The following CENPE variants were observed in gnomAD, a reference collection of about 807,000 sequenced individuals.
CENPE encodes the protein centromere protein E.
CENPE carries 145 observed loss-of-function variants against 336.1 expected under a neutral mutation model. The ratio of observed to expected loss-of-function variants is 0.43; its 90% CI spans 0.38 to 0.50. The LOEUF is 0.50. Among genes scored for constraint, CENPE ranks in the 20% least tolerant of loss-of-function variants. The pLI is 0.00. For synonymous variants in CENPE, 1,013 were observed against 984.8 expected (o/e 1.03, Z -0.54); for missense variants, 2,719 against 3,023.3 (o/e 0.90, Z 2.36).
rs1326652579 is a variant in CENPE at position 103,195,117 on chromosome 4, G to A, written c.474C>T (p.Val158=). 3.8e-6 allele frequency: 6 copies of A among 1,579,396 alleles called. No individual in the cohort carries two copies. In the African/African-American group the frequency reaches 8.3e-5, roughly 22 times the overall value. The stretch of plus-strand genomic sequence containing the variant: ...CTCCCTTAAGTCTGCTACTCACATT[G>A]ACATCTTCTCGAATAATTAAAGGTT... ...KMKPLIIRED[V]NRNVYVADLT... The change falls in exon 5 of 49, where the codon GTC becomes GTT. Residue 158 remains valine, a synonymous_variant. Transcript: ENST00000265148.
At chr4:103,184,843 C>T (rs889746756) in intron 9 of CENPE, among the ~76,000 whole-genome samples, 3 of 152,228 alleles carry the variant, frequency 2.0e-5, no homozygotes, top group African/African-American at 7.2e-5. Flanking sequence ...TTAAAATCAT[C>T]TTACCTAATT....
intron 42 of CENPE, among the ~76,000 whole-genome samples, chr4:103,128,629 T>G (rs1751330504): frequency 6.6e-6 from 1 of 152,158 alleles, no homozygotes; most frequent in Non-Finnish European, 1.5e-5. Flanking sequence ...CTAAATAACA[T>G]ACGGGTCACA....
intron 13 of CENPE, 27 bp downstream of exon 13, chr4:103,180,284 G>A (rs907954353): frequency 2.5e-6 from 4 of 1,598,318 alleles, no homozygotes; most frequent in Non-Finnish European, 3.4e-6. Context: ...TGTACATCAA[G>A]TTTAAGCTGT....
chr4:103,170,421 G>A (rs1755304825), intron 16 of CENPE, among the ~76,000 whole-genome samples: 1 of 152,126 alleles, frequency 6.6e-6, no homozygotes, highest in South Asian at 2.1e-4. Context: ...AGGAGATAAA[G>A]TGTGGAGTTT....
rs1316434222 is a variant in CENPE, at chr4:103,109,103, GAAGAAAAGAGAGACTGT to G, written c.7725-31_7725-15del. 1.3e-6 allele frequency: 2 copies of G among 1,588,858 alleles called. No homozygotes were observed. Among genetic ancestry groups the G allele is most frequent in the Non-Finnish European group, 1.7e-6 (2 of 1,168,944 alleles). On this transcript the variant is annotated splice_polypyrimidine_tract_variant and intron_variant, in intron 47 of 48. Transcript: ENST00000265148. ...TGCTGATTATTGCTTAAATGTGGGG[GAAGAAAAGAGAGACTGT>G]AAGACTTCTTGATTCTTAAGATGTA...
chr4:103,143,653 T>C (rs775871075), intron 33 of CENPE, among the ~76,000 whole-genome samples: 2 of 152,248 alleles, frequency 1.3e-5, no homozygotes, highest in African/African-American at 2.4e-5. Context: ...ATTTGTGGCA[T>C]AGAATTCCAT....
intron 43 of CENPE, among the ~76,000 whole-genome samples, chr4:103,120,869 G>A (rs1750565884): frequency 6.6e-6 from 1 of 151,982 alleles, no homozygotes; most frequent in Admixed American, 6.6e-5. Context: ...CCGAGTAGCT[G>A]GGACTACAGG....
In CENPE at chr4:103,122,141, CTG is replaced by C. The variant is rs556748033; in HGVS notation, c.7143+728_7143+729del. 1.3e-3 allele frequency among the ~76,000 whole-genome samples: 200 copies of C among 152,262 alleles called. 2 individuals carry two copies. Among genetic ancestry groups the C allele is most frequent in the African/African-American group, 4.6e-3 (193 of 41,540 alleles). On this transcript the variant is annotated intron_variant, in intron 43 of 48. Coordinates refer to ENST00000265148, the MANE Select transcript of CENPE (RefSeq NM_001813.3). ...CCTCTATTTTATCTGTAGCAGCTGACTGAGGTCTGTAATGCCCTACAAATCAA... is the reference window on the plus strand; with the variant it reads ...CCTCTATTTTATCTGTAGCAGCTGACAGGTCTGTAATGCCCTACAAATCAA...
chr4:103,110,435 C>G (rs1749295786), intron 47 of CENPE, among the ~76,000 whole-genome samples: 1 of 152,082 alleles, frequency 6.6e-6, no homozygotes, highest in South Asian at 2.1e-4. Context: ...AGATTCTACT[C>G]TTCCACGTGG....
chr4:103,135,541 G>A (rs1438477509), intron 40 of CENPE, among the ~76,000 whole-genome samples: 2 of 151,872 alleles, frequency 1.3e-5, no homozygotes, highest in African/African-American at 2.4e-5. Flanking sequence ...CTTTAATCTC[G>A]TTTGTCCTCT....
chr4:103,166,974 G>A (rs968970664), intron 16 of CENPE, among the ~76,000 whole-genome samples: 9 of 152,062 alleles, frequency 5.9e-5, no homozygotes, highest in Admixed American at 2.0e-4. Context: ...TTCTCTTAAC[G>A]TGTAGCCTAA....
rs1267352245 is a variant in CENPE at position 103,196,739 on chromosome 4, TG to T, written c.148+19del. On this transcript the variant is annotated intron_variant, in intron 2 of 48. Transcript: ENST00000265148. The stretch of plus-strand genomic sequence containing the variant: ...AGCAAAAGGATAACAAGGTAACTTT[TG>T]ATGCTATTATAAGCTTACCAAAATT... The T allele has an allele frequency of 8.8e-7, 1 of 1,140,278 alleles. No individual in the cohort carries two copies. Among genetic ancestry groups the T allele is most frequent in the Non-Finnish European group, 1.3e-6 (1 of 767,936 alleles). The allele number at this position is 1,140,278 out of a possible 1,614,324, so 70.6% of individuals were successfully genotyped here. A position where few individuals can be genotyped will look rare whatever the true frequency, so the allele number is the denominator to read the frequency against.
At chr4:103,123,571 T>C (rs1186524292) in intron 42 of CENPE, among the ~76,000 whole-genome samples, 1 of 152,196 alleles carries the variant, frequency 6.6e-6, no homozygotes, top group Non-Finnish European at 1.5e-5. Context: ...AGATCTATGG[T>C]TAGAATGAAT....
intron 40 of CENPE, among the ~76,000 whole-genome samples, chr4:103,134,356 C>G (rs567895319): frequency 6.6e-6 from 1 of 152,026 alleles, no homozygotes; most frequent in Non-Finnish European, 1.5e-5. Context: ...CCTTGTCGGC[C>G]GGACATGGTG....
chr4:103,111,945 A>G (rs1048283180), intron 46 of CENPE, among the ~76,000 whole-genome samples: 1 of 151,948 alleles, frequency 6.6e-6, no homozygotes, highest in South Asian at 2.1e-4. Context: ...GTTTTTACCC[A>G]CAACTTTCGG....
intron 13 of CENPE, among the ~76,000 whole-genome samples, chr4:103,179,377 C>T (rs1248875394): frequency 1.3e-5 from 2 of 152,174 alleles, no homozygotes; most frequent in Non-Finnish European, 1.5e-5. Context: ...TAAAACGCCC[C>T]TGCTACTAGA....
intron 43 of CENPE, among the ~76,000 whole-genome samples, chr4:103,122,420 TA>T (rs1413164673): frequency 6.6e-6 from 1 of 152,226 alleles, no homozygotes; most frequent in Non-Finnish European, 1.5e-5. Flanking sequence ...AATCTTGTTA[TA>T]TTTTTTAACC....
In CENPE at chr4:103,140,975, T is replaced by G. The variant is rs1302502108; in HGVS notation, c.5593A>C (p.Lys1865Gln). The change falls in exon 36 of 49, where the codon AAA becomes CAA. Residue 1865 changes from lysine to glutamine, a missense_variant. By Grantham distance (53) the Lys-to-Gln change is moderately conservative. Around this residue, in one of 5 missense-constraint regions of CENPE, gnomAD observed 2,437 missense variants for 2,513.3 expected, o/e 0.97. Coordinates refer to ENST00000265148, the MANE Select transcript of CENPE (RefSeq NM_001813.3). ...AAATTTAAATTCTCTATTTCTAATT[T>G]ACTCAGAGTTAAGCTTTGGTCTTTT... ...QIKDQSLTLS[K>Q]LEIENLNLAQ... 3.7e-6 allele frequency: 6 copies of G among 1,612,244 alleles called. No individual in the cohort carries two copies. The highest frequency in any genetic ancestry group is 5.1e-6 in the Non-Finnish European group (6 of 1,178,614).
rs759009611 is a variant in CENPE, at chr4:103,140,006, A to AT, written c.5986dup (p.Ile1996AsnfsTer2). Reference sequence around the variant, plus strand: ...CTTCTTCAACTGTTCCATTTCATTAATTTTTTTATGACTCATATTGACATC... The same window carrying AT: ...CTTCTTCAACTGTTCCATTTCATTAATTTTTTTTATGACTCATATTGACATC... On this transcript the variant is annotated frameshift_variant, in exon 38 of 49. Transcript: ENST00000265148. LOFTEE classifies it high-confidence loss of function. The AT allele has an allele frequency of 1.9e-6, 3 of 1,612,662 alleles. No individual in the cohort carries two copies. Among genetic ancestry groups the AT allele is most frequent in the Non-Finnish European group, 1.7e-6 (2 of 1,179,208 alleles).
Sources: gnomAD v4.1 joint callset for allele counts (sites outside exome capture counted in the v4.1 genomes callset) on GRCh38, gnomAD v4.1.1 for gene constraint, gnomAD v4.1.1 regional missense constraint, MANE v1.5 for transcripts, NCBI Gene and HGNC (gene_info 2026-07-23, HGNC 2026-07-21) for gene names.